PRKG1: variants seen among roughly 807,000 people sequenced by gnomAD.
The protein encoded by PRKG1 is cGMP-dependent protein kinase 1.
In PRKG1, 35 loss-of-function variants were observed where a neutral mutation model predicts 88.1. That is an observed-to-expected ratio of 0.40 (90% CI 0.30 to 0.53). PRKG1 has a LOEUF of 0.53. PRKG1 is among the 20% of genes least tolerant of loss of function. The probability of loss-of-function intolerance (pLI) is 0.59; values close to 1 mark genes in which losing one functional copy is unlikely to be tolerated. For synonymous variants in PRKG1, 303 were observed against 292.5 expected (o/e 1.04, Z -0.37); for missense variants, 540 against 839.8 (o/e 0.64, Z 4.41).
chr10:51,246,632 G>A (rs1320723573), intron 2 of PRKG1, among the ~76,000 whole-genome samples: 1 of 151,866 alleles, frequency 6.6e-6, no homozygotes, highest in Non-Finnish European at 1.5e-5. Flanking sequence ...AAAACAATGA[G>A]GTGATTTATC....
intron 2 of PRKG1, among the ~76,000 whole-genome samples, chr10:51,263,636 T>C (rs983866405): frequency 3.3e-5 from 5 of 152,248 alleles, no homozygotes; most frequent in Non-Finnish European, 5.9e-5. Flanking sequence ...TAATTGTTCT[T>C]ATCCGAAAGT....
At chr10:51,665,473 TA>T (rs1840400509) in intron 3 of PRKG1, among the ~76,000 whole-genome samples, 1 of 152,188 alleles carries the variant, frequency 6.6e-6, no homozygotes, top group African/African-American at 2.4e-5. Flanking sequence ...GTATGATCAG[TA>T]AACTATTATC....
At chr10:51,900,129 T>C (rs536181160) in intron 4 of PRKG1, among the ~76,000 whole-genome samples, 19 of 152,318 alleles carry the variant, frequency 1.2e-4, no homozygotes, top group African/African-American at 4.6e-4. Flanking sequence ...CCTTAGGTAT[T>C]CTATTATAGC....
chr10:51,603,604 G>A (rs749589192), intron 3 of PRKG1, among the ~76,000 whole-genome samples: 10 of 152,162 alleles, frequency 6.6e-5, no homozygotes, highest in Non-Finnish European at 1.2e-4. Flanking sequence ...GGATTCATTT[G>A]TTCAGCAATT....
At chr10:51,200,006 A>G (rs1837871529) in intron 2 of PRKG1, among the ~76,000 whole-genome samples, 1 of 151,898 alleles carries the variant, frequency 6.6e-6, no homozygotes, top group Non-Finnish European at 1.5e-5. Flanking sequence ...GAAAGCCTAC[A>G]AAACACTAGG....
At chr10:51,028,043 A>T (rs1198722728) in intron 1 of PRKG1, among the ~76,000 whole-genome samples, 3 of 152,158 alleles carry the variant, frequency 2.0e-5, no homozygotes, top group Non-Finnish European at 4.4e-5. Flanking sequence ...AAAGTGAAAG[A>T]TCTTTTTTCT....
chr10:51,925,259 TG>T (rs1307924766), intron 5 of PRKG1, among the ~76,000 whole-genome samples: 8 of 152,020 alleles, frequency 5.3e-5, no homozygotes, highest in African/African-American at 1.9e-4. Context: ...GTAGCTGTAG[TG>T]TCAGGGGCTA....
intron 8 of PRKG1, among the ~76,000 whole-genome samples, chr10:52,160,934 T>C (rs1156729995): frequency 6.6e-6 from 1 of 152,070 alleles, no homozygotes; most frequent in East Asian, 1.9e-4. Flanking sequence ...TGTTATTACA[T>C]ATAAAGCACT....
At chr10:52,080,361 C>T (rs902774475) in intron 7 of PRKG1, among the ~76,000 whole-genome samples, 1 of 151,982 alleles carries the variant, frequency 6.6e-6, no homozygotes, top group African/African-American at 2.4e-5. Flanking sequence ...GCCCATGTCC[C>T]GTCTTTGAAT....
At chr10:51,535,220 A>G (rs17541862) in intron 3 of PRKG1, among the ~76,000 whole-genome samples, 1 of 152,146 alleles carries the variant, frequency 6.6e-6, no homozygotes, top group Non-Finnish European at 1.5e-5. Flanking sequence ...TGTGTTCTCA[A>G]AATAAAAGTG....
At chr10:51,292,025 G>T (rs553683313) in intron 2 of PRKG1, among the ~76,000 whole-genome samples, 69 of 152,166 alleles carry the variant, frequency 4.5e-4, no homozygotes, top group Non-Finnish European at 6.3e-4. Flanking sequence ...TGTTAGAGTC[G>T]ATCTCTTTTT....
chr10:51,692,815 T>C (rs1466391700), intron 3 of PRKG1, among the ~76,000 whole-genome samples: 1 of 152,236 alleles, frequency 6.6e-6, no homozygotes, highest in African/African-American at 2.4e-5. Flanking sequence ...CATATGAGAT[T>C]CATTTCAAAT....
At chr10:51,737,493 G>A (rs1053865623) in intron 3 of PRKG1, among the ~76,000 whole-genome samples, 1 of 152,090 alleles carries the variant, frequency 6.6e-6, no homozygotes, top group African/African-American at 2.4e-5. Context: ...GAGTCACATT[G>A]TTGTATTTCC....
At chr10:52,207,014 G>T (rs1009404464) in intron 9 of PRKG1, among the ~76,000 whole-genome samples, 3 of 152,202 alleles carry the variant, frequency 2.0e-5, no homozygotes, top group African/African-American at 7.2e-5. Context: ...TGGCATGGTG[G>T]GATGCCTTCA....
At chr10:52,040,917 A>C (rs1845741217) in intron 5 of PRKG1, among the ~76,000 whole-genome samples, 1 of 139,968 alleles carries the variant, frequency 7.1e-6, no homozygotes, top group African/African-American at 2.7e-5. Flanking sequence ...GCTCACTGCA[A>C]CCTCCACCTC....
At chr10:51,797,708 A>G (rs544150035) in intron 3 of PRKG1, among the ~76,000 whole-genome samples, 39 of 151,506 alleles carry the variant, frequency 2.6e-4, no homozygotes, top group Admixed American at 4.6e-4. Flanking sequence ...GCCTTTAAGG[A>G]CATTCACATT....
chr10:51,252,913 G>A, intron 2 of PRKG1, among the ~76,000 whole-genome samples: 1 of 151,694 alleles, frequency 6.6e-6, no homozygotes, highest in East Asian at 1.9e-4. Flanking sequence ...AACAGAGGAG[G>A]GGAATGATTT....
intron 9 of PRKG1, among the ~76,000 whole-genome samples, chr10:52,185,605 T>G (rs1011875466): frequency 6.6e-6 from 1 of 152,198 alleles, no homozygotes; most frequent in Non-Finnish European, 1.5e-5. Flanking sequence ...GGCTTCAACC[T>G]GATATTTACC....
chr10:52,031,799 G>T (rs935514859), intron 5 of PRKG1, among the ~76,000 whole-genome samples: 8 of 152,176 alleles, frequency 5.3e-5, no homozygotes, highest in African/African-American at 1.9e-4. Context: ...TGAAACCAAA[G>T]TGTGCTATGT....
Sources: gnomAD v4.1 joint callset for allele counts (sites outside exome capture counted in the v4.1 genomes callset) on GRCh38, gnomAD v4.1.1 for gene constraint, MANE v1.5 for transcripts, NCBI Gene and HGNC (gene_info 2026-07-23, HGNC 2026-07-21) for gene names.